The following SACS variants were observed in gnomAD, a reference collection of about 807,000 sequenced individuals.
SACS encodes sacsin.
In SACS, 197 loss-of-function variants were observed where a neutral mutation model predicts 348.0. That is an observed-to-expected ratio of 0.57 (90% CI 0.50 to 0.64). The LOEUF is 0.64. Among genes scored for constraint, SACS ranks in the 30% least tolerant of loss-of-function variants. The probability of loss-of-function intolerance (pLI) is 0.00; values close to 1 mark genes in which losing one functional copy is unlikely to be tolerated. For synonymous variants in SACS, 1,985 were observed against 1,910.6 expected, an observed-to-expected ratio of 1.04 and a Z score of -1.02; for missense variants, 4,999 against 5,360.8, an observed-to-expected ratio of 0.93 and a Z score of 2.11.
Position 23,355,037 on chromosome 13 carries a change from G to A in SACS, c.1575C>T (p.Pro525=). ...RLEMEKSSDF[P]LSVDVIYKLW... ...GCTTATAGATAACATCAACTGACAAGGGGAAATCAGAGCTCTTTTCCATCT... is the reference window on the plus strand; with the variant it reads ...GCTTATAGATAACATCAACTGACAAAGGGAAATCAGAGCTCTTTTCCATCT... Residue 525 remains proline (P), a synonymous_variant, in exon 8 of 10, where the codon CCC becomes CCT. Transcript: ENST00000382292. 1 of 1,614,208 alleles carries A rather than the reference G, an allele frequency of 6.2e-7. No individual in the cohort carries two copies. The highest frequency in any genetic ancestry group is 8.5e-7 in the Non-Finnish European group (1 of 1,180,036).
At position 23,339,789 on chromosome 13, in the gene SACS, T is replaced by A; in HGVS notation, c.4087A>T (p.Ile1363Phe). The part of the protein sequence containing the change: ...KQNLHLMLNI[I>F]RWLYSNQIPA... ...ATCTGATTGCTATACAGCCATCTGATAATATTCAACATAAGATGAAGATTT... is the reference window on the plus strand; with the variant it reads ...ATCTGATTGCTATACAGCCATCTGAAAATATTCAACATAAGATGAAGATTT... The change falls in exon 10 of 10, where the codon ATC becomes TTC. Residue 1363 changes from isoleucine to phenylalanine, a missense_variant. This residue lies in a region of SACS where 3,156 missense variants were observed against 3,380.1 expected (regional missense o/e 0.93). Transcript: ENST00000382292. 1 of 1,613,922 alleles carries A rather than the reference T, an allele frequency of 6.2e-7. No homozygotes were observed. Among genetic ancestry groups the A allele is most frequent in the Non-Finnish European group, 8.5e-7 (1 of 1,179,886 alleles).
In SACS at chr13:23,339,846, C is replaced by G; in HGVS notation, c.4030G>C (p.Asp1344His). 1 of 1,613,108 alleles carries G rather than the reference C, an allele frequency of 6.2e-7. No individual in the cohort carries two copies. Among genetic ancestry groups the G allele is most frequent in the Non-Finnish European group, 8.5e-7 (1 of 1,179,556 alleles). The change falls in exon 10 of 10, where the codon GAC (aspartate) becomes CAC (histidine). Residue 1344 changes from aspartate to histidine, a missense_variant. This residue lies in a region of SACS where 3,156 missense variants were observed against 3,380.1 expected (regional missense o/e 0.93). Transcript: ENST00000382292. ...CTTTCTTGTTCACTGAGATCTTGGTCACTTTTGAGATATATCTTCTGAATA... is the reference window on the plus strand; with the variant it reads ...CTTTCTTGTTCACTGAGATCTTGGTGACTTTTGAGATATATCTTCTGAATA... ...MVIQKIYLKS[D>H]QDLSEQESKQ...
rs1288216247 is a variant in SACS, at chr13:23,340,161, T to C, written c.3715A>G (p.Thr1239Ala). The change falls in exon 10 of 10, where the codon ACC (threonine) becomes GCC (alanine). Residue 1239 changes from threonine (T) to alanine (A), a missense_variant. Thr to Ala is a moderately conservative substitution (Grantham distance 58, BLOSUM62 0). Around this residue, in one of 6 missense-constraint regions of SACS, gnomAD observed 3,156 missense variants for 3,380.1 expected, o/e 0.93. Transcript: ENST00000382292. ...KIVVDWYSSK[T>A]FSDEDYYQFQ... The stretch of plus-strand genomic sequence containing the variant: ...TGATAGTAGTCTTCATCACTAAAGG[T>C]TTTTGAAGAATACCAATCAACAACA... 4.3e-6 allele frequency: 7 copies of C among 1,613,126 alleles called. No individual in the cohort carries two copies. The highest frequency in any genetic ancestry group is 5.9e-6 in the Non-Finnish European group (7 of 1,179,418).
rs1213867327 is a variant in SACS, at chr13:23,355,125, A to C, written c.1487T>G (p.Leu496Arg). The C allele has an allele frequency of 6.2e-7, 1 of 1,614,220 alleles. No individual in the cohort carries two copies. Among genetic ancestry groups the C allele is most frequent in the South Asian group, 1.1e-5 (1 of 91,086 alleles). ...AGCTTTGGGGACAACATTCATGACA[A>C]GAAACTCATTCCATAAGGCTGCCGG... ...RDPAALWNEF[L>R]VMNVVPKAYA... The change falls in exon 8 of 10, where the codon CTT becomes CGT. Residue 496 changes from leucine (L) to arginine (R), a missense_variant. By Grantham distance (102) the Leu-to-Arg change is moderately radical. Coordinates refer to ENST00000382292, the MANE Select transcript of SACS (RefSeq NM_014363.6).
Position 23,331,093 on chromosome 13 carries a change from T to C in SACS, c.12783A>G (p.Thr4261=), listed in dbSNP as rs2137555437. 4 of 1,614,112 alleles carry C rather than the reference T, an allele frequency of 2.5e-6. No individual in the cohort carries two copies. The highest frequency in any genetic ancestry group is 3.4e-6 in the Non-Finnish European group (4 of 1,179,994). The change falls in exon 10 of 10, where the codon ACA becomes ACG. Residue 4261 remains threonine, a synonymous_variant. Coordinates refer to ENST00000382292, the MANE Select transcript of SACS (RefSeq NM_014363.6). Reference sequence around the variant, plus strand: ...TGAGGAACTCAGTGGGGCTGGTTGGTGTAGAAGGAGCACTGTCCCTGCTTT... The same window carrying C: ...TGAGGAACTCAGTGGGGCTGGTTGGCGTAGAAGGAGCACTGTCCCTGCTTT... The part of the protein sequence containing the change: ...SSQSRDSAPS[T]PTSPTEFLTP...
chr13:23,329,244 G>T lies in SACS; in HGVS notation c.*892C>A. 2.0e-6 allele frequency: 1 copy of T among 509,688 alleles called. No homozygotes were observed. The highest frequency in any genetic ancestry group is 3.4e-6 in the Non-Finnish European group (1 of 290,832). 31.6% of individuals were successfully genotyped at this position (509,688 alleles called of 1,614,324 possible). ...AACTCCACTACATGCCATATTGAAA[G>T]AAAAGGTTGTTTTTTTTTTAACTGC... On this transcript the variant is annotated 3_prime_UTR_variant, in exon 10 of 10. Coordinates refer to ENST00000382292, the MANE Select transcript of SACS (RefSeq NM_014363.6).
At chr13:23,360,368 A>G (rs564139826) in intron 6 of SACS, among the ~76,000 whole-genome samples, 28 of 151,190 alleles carry the variant, frequency 1.9e-4, no homozygotes, top group Non-Finnish European at 3.2e-4. Context: ...CCAAATGTCC[A>G]TTAAAAGTAT....
intron 6 of SACS, among the ~76,000 whole-genome samples, chr13:23,362,234 T>TC (rs1870782345): frequency 6.6e-6 from 1 of 152,200 alleles, no homozygotes; most frequent in Non-Finnish European, 1.5e-5. Context: ...AGAGGGACTC[T>TC]CCGTGCTTCC....
Position 23,329,222 on chromosome 13 carries a change from T to G in SACS, c.*914A>C. 2.1e-6 allele frequency: 1 copy of G among 470,448 alleles called. No individual in the cohort carries two copies. The highest frequency in any genetic ancestry group is 3.7e-6 in the Non-Finnish European group (1 of 270,390). The allele number at this position is 470,448 out of a possible 1,614,324, so 29.1% of individuals were successfully genotyped here. Reference sequence around the variant, plus strand: ...TTGATGTTTTTAAAGTTAAAAAAACTCCACTACATGCCATATTGAAAGAAA... The same window carrying G: ...TTGATGTTTTTAAAGTTAAAAAAACGCCACTACATGCCATATTGAAAGAAA... On this transcript the variant is annotated 3_prime_UTR_variant, in exon 10 of 10. Coordinates refer to ENST00000382292, the MANE Select transcript of SACS (RefSeq NM_014363.6).
intron 4 of SACS, among the ~76,000 whole-genome samples, chr13:23,368,879 T>C (rs9552935): frequency 6.6e-6 from 1 of 151,764 alleles, no homozygotes; most frequent in African/African-American, 2.4e-5. Flanking sequence ...TTTTGTATTT[T>C]TAGTAGAGAT....
In SACS at chr13:23,332,909, G is replaced by A. The variant is rs886050076; in HGVS notation, c.10967C>T (p.Pro3656Leu). 6.2e-7 allele frequency: 1 copy of A among 1,613,888 alleles called. No individual in the cohort carries two copies. Among genetic ancestry groups the A allele is most frequent in the East Asian group, 2.2e-5 (1 of 44,874 alleles). The change falls in exon 10 of 10, where the codon CCT (proline) becomes CTT (leucine). Residue 3656 changes from proline to leucine, a missense_variant. Pro to Leu is a moderately conservative substitution (Grantham distance 98). Coordinates refer to ENST00000382292, the MANE Select transcript of SACS (RefSeq NM_014363.6). ...KELSLIPFLC[P>L]ERAPAEFIRF... The stretch of plus-strand genomic sequence containing the variant: ...AATGAATTCCGCGGGGGCCCGCTCA[G>A]GACATAAGAATGGTATTAAAGATAG...
intron 2 of SACS, among the ~76,000 whole-genome samples, chr13:23,377,607 G>A (rs924477027): frequency 3.3e-5 from 5 of 152,174 alleles, no homozygotes; most frequent in African/African-American, 1.2e-4. Flanking sequence ...CCAGGCTCCA[G>A]CACATCACAT....
At position 23,331,662 on chromosome 13, in the gene SACS, T is replaced by C. The variant is rs748606348; in HGVS notation, c.12214A>G (p.Thr4072Ala). The change falls in exon 10 of 10, where the codon ACT becomes GCT. Residue 4072 changes from threonine (T) to alanine (A), a missense_variant. By Grantham distance (58) the Thr-to-Ala change is moderately conservative. Transcript: ENST00000382292. ...FNPIPHSRSE[T>A]FAFLKRFGNA... ...CCAAATCGCTTCAAAAAAGCAAAAG[T>C]TTCACTTCTGCTGTGGGGAATAGGA... is the stretch of plus-strand genomic sequence containing the variant. The C allele has an allele frequency of 1.2e-6, 2 of 1,613,932 alleles. No homozygotes were observed. Among genetic ancestry groups the C allele is most frequent in the Non-Finnish European group, 1.7e-6 (2 of 1,179,928 alleles).
chr13:23,358,995 C>T lies in SACS; in HGVS notation c.458-514G>A, dbSNP rs566656969. ...AGGAGTTCCAGACCAGCCTGCCCAA[C>T]ATGGCAAAACCCCATCTCTACTAAA... is the stretch of plus-strand genomic sequence containing the variant. On this transcript the variant is annotated intron_variant, in intron 6 of 9. Transcript: ENST00000382292. 8.0e-4 allele frequency among the ~76,000 whole-genome samples: 122 copies of T among 152,226 alleles called. 2 individuals are homozygous for T. In the South Asian group the frequency reaches 0.021, roughly 26 times the overall value.
In SACS at chr13:23,330,301, T is replaced by C. The variant is rs2137548032; in HGVS notation, c.13575A>G (p.Thr4525=). Residue 4525 remains threonine (T), a synonymous_variant, in exon 10 of 10, where the codon ACA becomes ACG. Coordinates refer to ENST00000382292, the MANE Select transcript of SACS (RefSeq NM_014363.6). ...QLEGLTNDVH[T]LEAYGVDSLK... ...AACTGTCTACACCATAAGCTTCCAATGTGTGAACATCATTTGTCAGTCCTT... is the reference window on the plus strand; with the variant it reads ...AACTGTCTACACCATAAGCTTCCAACGTGTGAACATCATTTGTCAGTCCTT... The C allele has an allele frequency of 6.2e-7, 1 of 1,614,230 alleles. No individual in the cohort carries two copies. Among genetic ancestry groups the C allele is most frequent in the Non-Finnish European group, 8.5e-7 (1 of 1,180,012 alleles).
In SACS at chr13:23,336,600, G is replaced by A. The variant is rs786204750; in HGVS notation, c.7276C>T (p.Arg2426Ter). The A allele has an allele frequency of 9.3e-6, 15 of 1,613,260 alleles. No individual in the cohort carries two copies. The highest frequency in any genetic ancestry group is 4.4e-5 in the South Asian group (4 of 91,052). Residue 2426 changes from arginine (R) to a stop codon, truncating the protein, a stop_gained, in exon 10 of 10, where the codon CGA becomes TGA. Coordinates refer to ENST00000382292, the MANE Select transcript of SACS (RefSeq NM_014363.6). LOFTEE classifies it high-confidence loss of function. ...CTCCATATTCCTTCACTGATTATTC[G>A]TCGGCAAAGCTGAAAATTCTCTTCT... ...ITEENFQLCR[R>*]IISEGIWSLI...
In SACS at chr13:23,335,337, G is replaced by C. The variant is rs760976439; in HGVS notation, c.8539C>G (p.Leu2847Val). 3.7e-6 allele frequency: 6 copies of C among 1,613,814 alleles called. No individual in the cohort carries two copies. The African/African-American group carries it at 8.0e-5, about 22-fold the overall frequency. Residue 2847 changes from leucine (L) to valine (V), a missense_variant, in exon 10 of 10, where the codon CTT becomes GTT. Around this residue, in one of 6 missense-constraint regions of SACS, gnomAD observed 3,156 missense variants for 3,380.1 expected, o/e 0.93. Coordinates refer to ENST00000382292, the MANE Select transcript of SACS (RefSeq NM_014363.6). This position sits in a 1 kb window ranked among gnomAD's most constrained non-coding sequence, Gnocchi z 4.7. ...GCAGCTACTCCACCACGTGGGAAAA[G>C]AGTAATATCTTGGTTCTTGTGAGCT... ...ISAHKNQDITLFPRGGVAACI... is the reference protein window; with the variant it reads ...ISAHKNQDITVFPRGGVAACI...
chr13:23,335,914 A>G lies in SACS; in HGVS notation c.7962T>C (p.Tyr2654=), dbSNP rs777875035. 12 of 1,613,122 alleles carry G rather than the reference A, an allele frequency of 7.4e-6. No individual in the cohort carries two copies. The highest frequency in any genetic ancestry group is 1.7e-4 in the Middle Eastern group (1 of 6,060). The part of the protein sequence containing the change: ...ILCIFDPHAR[Y]APGATSISPG... ...GACTAATGGATGTGGCCCCTGGTGC[A>G]TATCTGGCATGAGGATCAAAAATAC... Residue 2654 remains tyrosine, a synonymous_variant, in exon 10 of 10, where the codon TAT becomes TAC. Transcript: ENST00000382292. This position sits in a 1 kb window ranked among gnomAD's most constrained non-coding sequence, Gnocchi z 4.7.
chr13:23,411,893 C>T (rs1395702107), intron 1 of SACS, among the ~76,000 whole-genome samples, 153 bp from the exon 2 acceptor site: 3 of 152,212 alleles, frequency 2.0e-5, no homozygotes, highest in Non-Finnish European at 4.4e-5. Context: ...ACAGCTCTGC[C>T]AAAGAGCATG....
Sources: gnomAD v4.1 joint callset for allele counts (sites outside exome capture counted in the v4.1 genomes callset) on GRCh38, gnomAD v4.1.1 for gene constraint, gnomAD v4.1.1 regional missense constraint, Gnocchi (gnomAD v3.1) non-coding constraint, MANE v1.5 for transcripts, NCBI Gene and HGNC (gene_info 2026-07-23, HGNC 2026-07-21) for gene names.